The following ZNF277 variants were observed in gnomAD, a reference collection of about 807,000 sequenced individuals.
The protein encoded by ZNF277 is zinc finger protein 277.
Under a neutral mutation model 60.7 loss-of-function variants are expected in ZNF277, and 55 were observed. That is an observed-to-expected ratio of 0.91 (90% CI 0.73 to 1.13). ZNF277 has a LOEUF of 1.13. ZNF277 is among the 50% of genes most tolerant of loss of function. The probability of loss-of-function intolerance (pLI) is 0.00; values close to 1 mark genes in which losing one functional copy is unlikely to be tolerated. For missense variants in ZNF277, 510 were observed against 523.0 expected, an observed-to-expected ratio of 0.98 and a Z score of 0.24; for synonymous variants, 178 against 179.3, an observed-to-expected ratio of 0.99 and a Z score of 0.06.
chr7:112,292,604 C>T (rs371342574), intron 2 of ZNF277, among the ~76,000 whole-genome samples: 18 of 152,114 alleles, frequency 1.2e-4, no homozygotes, highest in East Asian at 9.6e-4. Context: ...TTCTGCATTT[C>T]TTGTACCGAT....
In ZNF277 at chr7:112,206,736, A is replaced by G. The variant is rs1360089179; in HGVS notation, c.20A>G (p.Gln7Arg). Reference protein sequence around the residue: MAASKTQGAVARMQEDR... With the variant: MAASKTRGAVARMQEDR... ...CGGGTAATGGCTGCTTCCAAGACCC[A>G]GGGGGCTGTCGCCCGAATGCAGGAA... Residue 7 changes from glutamine to arginine, a missense_variant, in exon 1 of 12, where the codon CAG becomes CGG. By Grantham distance (43) the Gln-to-Arg change is conservative. Transcript: ENST00000361822. The G allele has an allele frequency of 6.2e-7, 1 of 1,613,154 alleles. No individual in the cohort carries two copies.
chr7:112,206,751 G>C lies in ZNF277; in HGVS notation c.35G>C (p.Arg12Pro), dbSNP rs1261113074. 6.2e-7 allele frequency: 1 copy of C among 1,613,180 alleles called. No individual in the cohort carries two copies. The highest frequency in any genetic ancestry group is 1.7e-4 in the Middle Eastern group (1 of 6,056). ...AASKTQGAVA[R>P]MQEDRDGSCS... ...TCCAAGACCCAGGGGGCTGTCGCCC[G>C]AATGCAGGAAGACCGTGATGGGAGC... Residue 12 changes from arginine to proline, a missense_variant, in exon 1 of 12, where the codon CGA becomes CCA. Arg to Pro is a moderately radical substitution (Grantham distance 103, BLOSUM62 -2). Transcript: ENST00000361822.
At position 112,313,088 on chromosome 7, in the gene ZNF277, T is replaced by G. The variant is rs148540125; in HGVS notation, c.466-5094T>G. On this transcript the variant is annotated intron_variant, in intron 4 of 11. Coordinates refer to ENST00000361822, the MANE Select transcript of ZNF277 (RefSeq NM_021994.3). ...AGGAGGAAAACCTTGATCTCATATT[T>G]CAATTCTTAATATTTTTTAAAAAAT... Among the ~76,000 whole-genome samples, 359 of 152,180 alleles carry G rather than the reference T, an allele frequency of 2.4e-3. 4 individuals are homozygous for G. The highest frequency in any genetic ancestry group is 0.018 in the East Asian group (95 of 5,188).
At chr7:112,266,226 A>C (rs1177098233) in intron 1 of ZNF277, among the ~76,000 whole-genome samples, 3 of 151,816 alleles carry the variant, frequency 2.0e-5, no homozygotes. Flanking sequence ...GCTCACTGCA[A>C]CCTCCCATCT....
intron 2 of ZNF277, among the ~76,000 whole-genome samples, chr7:112,292,631 C>G (rs1563218084): frequency 6.6e-6 from 1 of 152,146 alleles, no homozygotes; most frequent in Non-Finnish European, 1.5e-5. Flanking sequence ...CCACATGACA[C>G]TAGAGGAACT....
intron 1 of ZNF277, among the ~76,000 whole-genome samples, chr7:112,236,346 A>G (rs904908080): frequency 1.3e-5 from 2 of 152,086 alleles, no homozygotes; most frequent in African/African-American, 4.8e-5. Flanking sequence ...TTTTTCAGGT[A>G]CTATCCCTTG....
intron 1 of ZNF277, among the ~76,000 whole-genome samples, chr7:112,207,716 G>T (rs910961348): frequency 6.6e-6 from 1 of 151,212 alleles, no homozygotes; most frequent in Non-Finnish European, 1.5e-5. Flanking sequence ...AACATGGTTT[G>T]GGGCTTAAAT....
chr7:112,277,077 ATTT>A (rs59902516), intron 1 of ZNF277, among the ~76,000 whole-genome samples: 401 of 104,396 alleles, frequency 3.8e-3, no homozygotes, highest in African/African-American at 0.013. Flanking sequence ...GAATCTGTTG[ATTT>A]TTTTTTTTTT....
chr7:112,248,285 G>C (rs1442579848), intron 1 of ZNF277, among the ~76,000 whole-genome samples: 1 of 150,510 alleles, frequency 6.6e-6, no homozygotes, highest in Non-Finnish European at 1.5e-5. Flanking sequence ...TGGGAGAGTG[G>C]ATGTGGCTCT....
At chr7:112,335,952 G>A in intron 7 of ZNF277, 152 bp from the exon 8 acceptor site, 1 of 442,874 alleles carries the variant, frequency 2.3e-6, no homozygotes, top group South Asian at 5.7e-5. Context: ...CATAAGTTGG[G>A]CCATCTGTAT....
chr7:112,304,464 A>G (rs766288621), intron 4 of ZNF277, among the ~76,000 whole-genome samples: 2 of 152,104 alleles, frequency 1.3e-5, no homozygotes, highest in African/African-American at 4.8e-5. Flanking sequence ...CAAAATATTT[A>G]ACTCAGTTAT....
At chr7:112,216,820 T>C (rs1333126275) in intron 1 of ZNF277, among the ~76,000 whole-genome samples, 2 of 152,224 alleles carry the variant, frequency 1.3e-5, no homozygotes, top group Non-Finnish European at 2.9e-5. Flanking sequence ...GAAGAATTAG[T>C]TGCACATGTG....
At chr7:112,326,507 G>T (rs2117124308) in intron 5 of ZNF277, among the ~76,000 whole-genome samples, 1 of 152,144 alleles carries the variant, frequency 6.6e-6, no homozygotes, top group African/African-American at 2.4e-5. Flanking sequence ...GGCTGCCCCT[G>T]GGAAAACCTT....
At chr7:112,332,754 C>T in intron 7 of ZNF277, among the ~76,000 whole-genome samples, 1 of 152,066 alleles carries the variant, frequency 6.6e-6, no homozygotes, top group Non-Finnish European at 1.5e-5. Context: ...AAAACGAAAA[C>T]CTAAAATGTG....
chr7:112,243,270 G>A (rs1478441026), intron 1 of ZNF277, among the ~76,000 whole-genome samples: 4 of 151,958 alleles, frequency 2.6e-5, no homozygotes, highest in Admixed American at 2.6e-4. Flanking sequence ...ATTGGTCTAG[G>A]CAAAGAATTC....
chr7:112,339,601 G>A (rs1321833462), intron 9 of ZNF277, among the ~76,000 whole-genome samples: 3 of 152,212 alleles, frequency 2.0e-5, no homozygotes, highest in Non-Finnish European at 4.4e-5. Flanking sequence ...TTATAGGCGT[G>A]AGCCACCGCG....
At chr7:112,258,202 A>G (rs1475261818) in intron 1 of ZNF277, among the ~76,000 whole-genome samples, 1 of 152,128 alleles carries the variant, frequency 6.6e-6, no homozygotes, top group Non-Finnish European at 1.5e-5. Context: ...AGCCTTCTGC[A>G]AGGTAAGTGC....
At position 112,247,376 on chromosome 7, in the gene ZNF277, G is replaced by A. The variant is rs571142772; in HGVS notation, c.92-39497G>A. ...TTCAAACATGATGGAATACGGTGCA[G>A]CTATAAAATTTTGAGATAGCAGATT... On this transcript the variant is annotated intron_variant, in intron 1 of 11. Coordinates refer to ENST00000361822, the MANE Select transcript of ZNF277 (RefSeq NM_021994.3). Among the ~76,000 whole-genome samples the A allele has an allele frequency of 2.8e-4, 42 of 152,286 alleles. No homozygotes were observed. The South Asian group carries it at 7.7e-3, about 28-fold the overall frequency.
At chr7:112,244,902 C>A (rs1157349388) in intron 1 of ZNF277, among the ~76,000 whole-genome samples, 4 of 152,122 alleles carry the variant, frequency 2.6e-5, no homozygotes, top group Admixed American at 6.5e-5. Context: ...AAAAATTCAT[C>A]AAGTAATTAT....
Sources: allele counts gnomAD v4.1 joint callset (sites outside exome capture counted in the v4.1 genomes callset), GRCh38; gene constraint gnomAD v4.1.1; transcripts MANE v1.5; gene names NCBI Gene and HGNC (gene_info 2026-07-23, HGNC 2026-07-21).